Variants in C10orf71 observed in about 807,000 individuals in gnomAD.
C10orf71 encodes the protein chromosome 10 open reading frame 71.
For synonymous variants in C10orf71, 758 were observed against 726.3 expected (o/e 1.04, Z -0.70); for missense variants, 1,869 against 1,804.5 (o/e 1.04, Z -0.65).
At chr10:49,306,554 G>A (rs1010102347) in intron 1 of C10orf71, among the ~76,000 whole-genome samples, 1 of 152,222 alleles carries the variant, frequency 6.6e-6, no homozygotes, top group Non-Finnish European at 1.5e-5. Context: ...GTGAAGGCAG[G>A]AAGAGCCTGG....
chr10:49,323,952 A>G lies in C10orf71; in HGVS notation c.1407A>G (p.Pro469=). The G allele has an allele frequency of 1.2e-6, 2 of 1,613,602 alleles. No homozygotes were observed. The highest frequency in any genetic ancestry group is 1.7e-6 in the Non-Finnish European group (2 of 1,179,804). ...ACAGCCAGCCAGCAGAGCGAACCCC[A>G]TCACCCCCAGGACAGCTAAACGGAT... is the stretch of plus-strand genomic sequence containing the variant. ...SADSQPAERT[P]SPPGQLNGYQ... Residue 469 remains proline (P), a synonymous_variant, in exon 3 of 3, where the codon CCA becomes CCG. Transcript: ENST00000374144.
chr10:49,319,652 G>A lies in C10orf71; in HGVS notation c.-144-2750G>A, dbSNP rs575904100. The stretch of plus-strand genomic sequence containing the variant: ...CAATGGAGGAATGGATAAGCAAAAC[G>A]TGGTGTATATATATGTACACACACA... On this transcript the variant is annotated intron_variant, in intron 2 of 2. Transcript: ENST00000374144. Among the ~76,000 whole-genome samples the A allele has an allele frequency of 9.0e-4, 88 of 97,624 alleles. 1 individual carries two copies. Among genetic ancestry groups the A allele is most frequent in the Non-Finnish European group, 1.7e-3 (73 of 43,622 alleles). 64.0% of individuals were successfully genotyped at this position (97,624 alleles called of 152,430 possible). A position where few individuals can be genotyped will look rare whatever the true frequency, so the allele number is the denominator to read the frequency against.
At chr10:49,319,203 C>G (rs1182658735) in intron 2 of C10orf71, among the ~76,000 whole-genome samples, 1 of 152,130 alleles carries the variant, frequency 6.6e-6, no homozygotes, top group East Asian at 1.9e-4. Context: ...CTCCCCCAGG[C>G]CAGGCAATGT....
At chr10:49,317,406 T>C (rs77805336) in intron 2 of C10orf71, among the ~76,000 whole-genome samples, 1,678 of 152,332 alleles carry the variant, frequency 0.011, 28 homozygotes, top group African/African-American at 0.039. Context: ...TTCAATATTA[T>C]GGTTGAATCA....
At chr10:49,320,962 G>A (rs1026117000) in intron 2 of C10orf71, among the ~76,000 whole-genome samples, 1 of 152,092 alleles carries the variant, frequency 6.6e-6, no homozygotes, top group African/African-American at 2.4e-5. Context: ...TGAACTTGGA[G>A]ATAAGTATGC....
At position 49,326,492 on chromosome 10, in the gene C10orf71, AG is replaced by A. The variant is rs1218281320; in HGVS notation, c.3952del (p.Ala1318ProfsTer26). On this transcript the variant is annotated frameshift_variant, in exon 3 of 3. Transcript: ENST00000374144. LOFTEE classifies it low-confidence loss of function (END_TRUNC). ...KYVKVSIPSS[E>X]GASPEPPPPD... ...GTCAAGGTCTCCATCCCGTCCTCCG[AG>A]GGGGCCTCCCCAGAGCCGCCCCCAC... The A allele has an allele frequency of 3.9e-6, 6 of 1,550,152 alleles. No homozygotes were observed. In the African/African-American group the frequency reaches 8.2e-5, roughly 21 times the overall value.
Position 49,322,898 on chromosome 10 carries a change from C to G in C10orf71, c.353C>G (p.Pro118Arg), listed in dbSNP as rs773954248. 151 of 1,613,752 alleles carry G rather than the reference C, an allele frequency of 9.4e-5. No individual in the cohort carries two copies. Among genetic ancestry groups the G allele is most frequent in the Middle Eastern group, 6.6e-4 (4 of 6,084 alleles). The change falls in exon 3 of 3, where the codon CCA (proline) becomes CGA (arginine). Residue 118 changes from proline (P) to arginine (R), a missense_variant. Pro to Arg is a moderately radical substitution (Grantham distance 103). Coordinates refer to ENST00000374144, the MANE Select transcript of C10orf71 (RefSeq NM_001135196.2). ...GAAAAGTACCCCAAAACCAGCCCCC[C>G]ACCAACGCCAGTCCAGAGGAGACTG... The part of the protein sequence containing the change: ...GEEKYPKTSP[P>R]PTPVQRRLEV...
chr10:49,309,088 T>C (rs1848867116), intron 1 of C10orf71, among the ~76,000 whole-genome samples: 1 of 152,226 alleles, frequency 6.6e-6, no homozygotes, highest in Non-Finnish European at 1.5e-5. Context: ...CACGGGCAGG[T>C]GCAGGGGTCG....
chr10:49,325,879 G>C lies in C10orf71; in HGVS notation c.3334G>C (p.Asp1112His). 1 of 1,550,254 alleles carries C rather than the reference G, an allele frequency of 6.5e-7. No homozygotes were observed. The highest frequency in any genetic ancestry group is 1.2e-5 in the South Asian group (1 of 83,988). Residue 1112 changes from aspartate (D) to histidine (H), a missense_variant, in exon 3 of 3, where the codon GAC (aspartate) becomes CAC (histidine). Asp to His is a moderately conservative substitution (Grantham distance 81). Coordinates refer to ENST00000374144, the MANE Select transcript of C10orf71 (RefSeq NM_001135196.2). ...SSPARVTRRE[D>H]LTHALVWEGG... The stretch of plus-strand genomic sequence containing the variant: ...TCCTGCCAGGGTCACCCGGAGGGAG[G>C]ACCTGACCCACGCCCTCGTGTGGGA...
At position 49,326,380 on chromosome 10, in the gene C10orf71, G is replaced by T. The variant is rs906876193; in HGVS notation, c.3835G>T (p.Asp1279Tyr). ...CCCCGCCACCCAGAAGGTCCTCCAGGATCCGCAGTCCGGGGAGTACTTTGT... is the reference window on the plus strand; with the variant it reads ...CCCCGCCACCCAGAAGGTCCTCCAGTATCCGCAGTCCGGGGAGTACTTTGT... Reference protein sequence around the residue: ...AYPATQKVLQDPQSGEYFVFD... With the variant: ...AYPATQKVLQYPQSGEYFVFD... The change falls in exon 3 of 3, where the codon GAT (aspartate) becomes TAT (tyrosine). Residue 1279 changes from aspartate to tyrosine, a missense_variant. By Grantham distance (160) the Asp-to-Tyr change is radical. Coordinates refer to ENST00000374144, the MANE Select transcript of C10orf71 (RefSeq NM_001135196.2). 2.6e-6 allele frequency: 4 copies of T among 1,550,554 alleles called. No homozygotes were observed. The highest frequency in any genetic ancestry group is 3.5e-6 in the Non-Finnish European group (4 of 1,146,900).
intron 2 of C10orf71, among the ~76,000 whole-genome samples, chr10:49,320,411 A>G (rs1296309980): frequency 1.3e-5 from 2 of 152,206 alleles, no homozygotes; most frequent in East Asian, 3.8e-4. Flanking sequence ...GGCCCAGGTG[A>G]TGCAGACTCT....
chr10:49,311,314 G>T (rs116012851), intron 1 of C10orf71, among the ~76,000 whole-genome samples: 1,649 of 152,308 alleles, frequency 0.011, 28 homozygotes, highest in African/African-American at 0.038. Flanking sequence ...CTTACAACCT[G>T]GGACACATGA....
intron 1 of C10orf71, among the ~76,000 whole-genome samples, chr10:49,304,241 A>G (rs1489642324): frequency 6.6e-6 from 1 of 152,194 alleles, no homozygotes; most frequent in Non-Finnish European, 1.5e-5. Context: ...ATAGAAGACC[A>G]TCTCATCTCT....
intron 1 of C10orf71, among the ~76,000 whole-genome samples, chr10:49,303,238 A>T (rs1374591739): frequency 1.3e-5 from 2 of 152,126 alleles, no homozygotes; most frequent in Non-Finnish European, 2.9e-5. Context: ...ACACATGGTG[A>T]CCACCTCCCC....
chr10:49,323,266 G>C lies in C10orf71; in HGVS notation c.721G>C (p.Asp241His). ...CAGCAGCTTCCTCCCAGCAGCCAAT[G>C]ACACGGCCACCTTATGTGAGTCAAA... ...GSSSFLPAAN[D>H]TATLCESKFP... The change falls in exon 3 of 3, where the codon GAC (aspartate) becomes CAC (histidine). Residue 241 changes from aspartate to histidine, a missense_variant. Physicochemically the swap from Asp to His is moderately conservative, Grantham distance 81 (BLOSUM62 -1). Coordinates refer to ENST00000374144, the MANE Select transcript of C10orf71 (RefSeq NM_001135196.2). The C allele has an allele frequency of 6.2e-7, 1 of 1,613,850 alleles. No homozygotes were observed.
intron 1 of C10orf71, among the ~76,000 whole-genome samples, chr10:49,309,047 T>C (rs1217877839): frequency 6.6e-6 from 1 of 152,210 alleles, no homozygotes; most frequent in Non-Finnish European, 1.5e-5. Context: ...GGGGAGCCTA[T>C]CATGCCAAGT....
chr10:49,303,976 C>T (rs1848770881), intron 1 of C10orf71, among the ~76,000 whole-genome samples: 1 of 152,198 alleles, frequency 6.6e-6, no homozygotes, highest in African/African-American at 2.4e-5. Flanking sequence ...CAGCTTCAGA[C>T]CTATGTGGGA....
chr10:49,323,711 A>G lies in C10orf71; in HGVS notation c.1166A>G (p.Lys389Arg), dbSNP rs1849149387. 1 of 1,613,886 alleles carries G rather than the reference A, an allele frequency of 6.2e-7. No homozygotes were observed. The highest frequency in any genetic ancestry group is 1.3e-5 in the African/African-American group (1 of 74,906). The change falls in exon 3 of 3, where the codon AAA (lysine) becomes AGA (arginine). Residue 389 changes from lysine (K) to arginine (R), a missense_variant. Lys to Arg is a conservative substitution (Grantham distance 26, BLOSUM62 2). Coordinates refer to ENST00000374144, the MANE Select transcript of C10orf71 (RefSeq NM_001135196.2). ...PPWRKPKTGK[K>R]GKESLQDTLE... ...TGGAGGAAGCCAAAGACTGGCAAAAAAGGGAAAGAAAGTCTACAAGATACT... is the reference window on the plus strand; with the variant it reads ...TGGAGGAAGCCAAAGACTGGCAAAAGAGGGAAAGAAAGTCTACAAGATACT...
chr10:49,303,875 G>T (rs996395148), intron 1 of C10orf71, among the ~76,000 whole-genome samples: 1 of 152,124 alleles, frequency 6.6e-6, no homozygotes, highest in Non-Finnish European at 1.5e-5. Flanking sequence ...TGGCTGAGCC[G>T]CCTTACCCCT....
Sources: gnomAD v4.1 joint callset for allele counts (sites outside exome capture counted in the v4.1 genomes callset) on GRCh38, gnomAD v4.1.1 for gene constraint, MANE v1.5 for transcripts, NCBI Gene and HGNC (gene_info 2026-07-23, HGNC 2026-07-21) for gene names.